Variants in LRRC7 observed in about 807,000 individuals in gnomAD.
The protein encoded by LRRC7 is leucine rich repeat containing 7.
Under a neutral mutation model 175.7 loss-of-function variants are expected in LRRC7, and 23 were observed. That is an observed-to-expected ratio of 0.13 (90% CI 0.09 to 0.19). The LOEUF is 0.19. Ranked by LOEUF, LRRC7 falls within the 10% of genes least tolerant of loss-of-function variation. The pLI, the probability that LRRC7 is intolerant of heterozygous loss-of-function variation, is 1.00. For missense variants in LRRC7, 1,354 were observed against 1,904.7 expected (o/e 0.71, Z 5.38); for synonymous variants, 685 against 680.9 (o/e 1.01, Z -0.09).
rs777702829 is a variant in LRRC7 at position 70,039,326 on chromosome 1, A to T, written c.3502A>T (p.Arg1168Trp). The change falls in exon 21 of 27, where the codon AGG (arginine) becomes TGG (tryptophan). Residue 1168 changes from arginine to tryptophan, a missense_variant. Arg to Trp is a moderately radical substitution (Grantham distance 101, BLOSUM62 -3). Coordinates refer to ENST00000651989, the MANE Select transcript of LRRC7 (RefSeq NM_001370785.2). ...VSATEMAMFR[R>W]VNEPHELPPT... is the part of the protein sequence containing the mutation. ...CGCCACAGAAATGGCCATGTTTAGA[A>T]GGGTCAATGAGCCTCATGAGCTGCC... 5.6e-6 allele frequency: 9 copies of T among 1,613,932 alleles called. No individual in the cohort carries two copies. The highest frequency in any genetic ancestry group is 7.6e-6 in the Non-Finnish European group (9 of 1,180,020).
At chr1:69,597,683 C>G (rs1646897403) in intron 1 of LRRC7, among the ~76,000 whole-genome samples, 1 of 152,026 alleles carries the variant, frequency 6.6e-6, no homozygotes, top group Admixed American at 6.6e-5. Flanking sequence ...GATTTGAAAC[C>G]CCAAAGTGGC....
chr1:70,076,119 C>A lies in LRRC7; in HGVS notation c.4273C>A (p.Gln1425Lys). ...IQTLMGSQSL[Q>K]HRSREQQPYE... ...GACGTTGATGGGGTCCCAAAGCCTT[C>A]AGCATCGCAGCCGGGAGCAGCAGCC... Residue 1425 changes from glutamine to lysine, a missense_variant, in exon 24 of 27, where the codon CAG becomes AAG. By Grantham distance (53) the Gln-to-Lys change is moderately conservative (BLOSUM62 1). Coordinates refer to ENST00000651989, the MANE Select transcript of LRRC7 (RefSeq NM_001370785.2). The A allele has an allele frequency of 6.2e-7, 1 of 1,613,992 alleles. No homozygotes were observed. Among genetic ancestry groups the A allele is most frequent in the Non-Finnish European group, 8.5e-7 (1 of 1,179,974 alleles).
chr1:69,912,944 C>T (rs1201340812), intron 7 of LRRC7, among the ~76,000 whole-genome samples: 1 of 152,062 alleles, frequency 6.6e-6, no homozygotes, highest in African/African-American at 2.4e-5. Context: ...AATGAAGTTA[C>T]TTCTTTGTAC....
intron 17 of LRRC7, among the ~76,000 whole-genome samples, chr1:70,027,347 C>A (rs946340635): frequency 2.0e-5 from 3 of 151,992 alleles, no homozygotes; most frequent in Non-Finnish European, 4.4e-5. Context: ...CTCATATTTT[C>A]TCCCTCTAAA....
chr1:69,887,031 C>A (rs1291872685), intron 7 of LRRC7, among the ~76,000 whole-genome samples: 1 of 151,206 alleles, frequency 6.6e-6, no homozygotes, highest in Non-Finnish European at 1.5e-5. Flanking sequence ...CCCGACCTTT[C>A]TCTCTGGCTG....
intron 10 of LRRC7, 106 bp from the exon 11 acceptor site, chr1:69,994,455 T>A: frequency 1.2e-6 from 1 of 831,694 alleles, no homozygotes; most frequent in Non-Finnish European, 2.0e-6. Context: ...TTTGGCCAAT[T>A]AGCATGCCAA....
At chr1:69,661,167 G>A (rs111530529) in intron 1 of LRRC7, among the ~76,000 whole-genome samples, 2 of 132,916 alleles carry the variant, frequency 1.5e-5, no homozygotes, top group South Asian at 2.6e-4. Flanking sequence ...AGAAAAAAAA[G>A]AACAAAGATT....
At chr1:69,937,029 T>C (rs1267515010) in intron 8 of LRRC7, among the ~76,000 whole-genome samples, 8 of 152,160 alleles carry the variant, frequency 5.3e-5, no homozygotes, top group African/African-American at 1.9e-4. Context: ...TTGCAGGTTT[T>C]TTTTACTTAT....
intron 1 of LRRC7, among the ~76,000 whole-genome samples, chr1:69,661,992 G>C (rs893005608): frequency 6.6e-6 from 1 of 152,114 alleles, no homozygotes; most frequent in Non-Finnish European, 1.5e-5. Flanking sequence ...CCAGGGGAAG[G>C]TGCAATAATC....
intron 24 of LRRC7, among the ~76,000 whole-genome samples, chr1:70,078,796 G>A (rs1000197600): frequency 3.0e-4 from 30 of 99,302 alleles, no homozygotes; most frequent in Admixed American, 4.5e-4. Context: ...ACATATACGC[G>A]CGCGCGCGCG....
At chr1:69,896,675 C>G (rs538074059) in intron 7 of LRRC7, among the ~76,000 whole-genome samples, 9 of 152,100 alleles carry the variant, frequency 5.9e-5, no homozygotes, top group African/African-American at 2.2e-4. Flanking sequence ...TCTGTCCTTC[C>G]TATACCATTG....
At chr1:69,717,956 G>GAA (rs771672433) in intron 2 of LRRC7, among the ~76,000 whole-genome samples, 1 of 54,190 alleles carries the variant, frequency 1.8e-5, no homozygotes, top group African/African-American at 1.4e-4. Context: ...AAGAAAGAAA[G>GAA]AAGAAAAAGA....
At chr1:70,096,978 A>G (rs1664451540) in intron 25 of LRRC7, among the ~76,000 whole-genome samples, 1 of 152,242 alleles carries the variant, frequency 6.6e-6, no homozygotes, top group Non-Finnish European at 1.5e-5. Context: ...TCTGTGTGGC[A>G]TAATTATCCT....
intron 8 of LRRC7, among the ~76,000 whole-genome samples, chr1:69,974,856 C>G (rs1472878354): frequency 6.6e-6 from 1 of 152,132 alleles, no homozygotes; most frequent in Non-Finnish European, 1.5e-5. Context: ...ATCACCAACT[C>G]TCTTCATTAT....
At chr1:69,848,537 C>A (rs970139616) in intron 7 of LRRC7, among the ~76,000 whole-genome samples, 1 of 151,932 alleles carries the variant, frequency 6.6e-6, no homozygotes, top group African/African-American at 2.4e-5. Flanking sequence ...TTATAAAAGA[C>A]CCTTCATGCA....
chr1:70,068,603 A>T (rs2102106773), intron 23 of LRRC7, among the ~76,000 whole-genome samples: 2 of 149,682 alleles, frequency 1.3e-5, no homozygotes, highest in East Asian at 2.0e-4. Flanking sequence ...TTCTTCCTTT[A>T]TTTGTTTGTT....
chr1:69,926,754 T>C (rs1647087564), intron 7 of LRRC7, among the ~76,000 whole-genome samples: 1 of 152,212 alleles, frequency 6.6e-6, no homozygotes, highest in South Asian at 2.1e-4. Flanking sequence ...GTCTTGACTC[T>C]TTATCCAATT....
chr1:70,061,347 G>C (rs1661561329), intron 23 of LRRC7, among the ~76,000 whole-genome samples: 1 of 152,098 alleles, frequency 6.6e-6, no homozygotes, highest in South Asian at 2.1e-4. Context: ...GAGATTCTCT[G>C]TTTCCCTCAT....
intron 7 of LRRC7, among the ~76,000 whole-genome samples, chr1:69,915,836 C>A (rs1426422422): frequency 6.6e-6 from 1 of 151,040 alleles, no homozygotes; most frequent in African/African-American, 2.4e-5. Flanking sequence ...ACATGGTTTA[C>A]CTATATTAAC....
Sources: gnomAD v4.1 joint callset for allele counts (sites outside exome capture counted in the v4.1 genomes callset) on GRCh38, gnomAD v4.1.1 for gene constraint, MANE v1.5 for transcripts, NCBI Gene and HGNC (gene_info 2026-07-23, HGNC 2026-07-21) for gene names.